Variants in EML4 observed in about 807,000 individuals in gnomAD.
EML4 encodes EMAP like 4.
EML4 carries 72 observed loss-of-function variants against 129.0 expected under a neutral mutation model. That is an observed-to-expected ratio of 0.56 (90% CI 0.46 to 0.68). The LOEUF is 0.68. Ranked by LOEUF, EML4 falls within the 30% of genes least tolerant of loss-of-function variation. EML4 has a pLI of 0.00. For missense variants in EML4, 1,363 were observed against 1,190.6 expected, an observed-to-expected ratio of 1.14 and a Z score of -2.13; for synonymous variants, 532 against 405.0, an observed-to-expected ratio of 1.31 and a Z score of -3.77.
intron 10 of EML4, among the ~76,000 whole-genome samples, chr2:42,287,049 T>C (rs1398460174): frequency 1.3e-5 from 2 of 152,222 alleles, no homozygotes; most frequent in Non-Finnish European, 2.9e-5. Context: ...TTAGGATACA[T>C]ACTTTTTTAG....
At chr2:42,255,177 C>A (rs531296350) in intron 2 of EML4, among the ~76,000 whole-genome samples, 1 of 152,162 alleles carries the variant, frequency 6.6e-6, no homozygotes, top group African/African-American at 2.4e-5. Context: ...GCTCCGCCTC[C>A]CAAGTTCCTG....
Position 42,303,307 on chromosome 2 carries a change from A to C in EML4, c.1768-8A>C, listed in dbSNP as rs1253443095. 1 of 1,614,074 alleles carries C rather than the reference A, an allele frequency of 6.2e-7. No homozygotes were observed. The highest frequency in any genetic ancestry group is 1.1e-5 in the South Asian group (1 of 91,066). On this transcript the variant is annotated splice_region_variant and splice_polypyrimidine_tract_variant and intron_variant, in intron 15 of 22. Transcript: ENST00000318522. ...GTTCTTATAACAATGAGTGTCTTTC[A>C]TTTTCAGGGTCATACAGATGAGCTT...
chr2:42,305,212 G>A (rs1668525268), intron 17 of EML4, among the ~76,000 whole-genome samples: 2 of 152,118 alleles, frequency 1.3e-5, no homozygotes, highest in Admixed American at 6.5e-5. Flanking sequence ...AGGAGTTTGA[G>A]ACCAGCCTGG....
intron 1 of EML4, among the ~76,000 whole-genome samples, chr2:42,224,494 A>G (rs540626481): frequency 1.3e-5 from 2 of 152,262 alleles, no homozygotes; most frequent in East Asian, 1.9e-4. Flanking sequence ...GCTCTTATGA[A>G]CAATGCTGCT....
intron 1 of EML4, among the ~76,000 whole-genome samples, chr2:42,203,023 T>C (rs1672328844): frequency 6.6e-6 from 1 of 152,082 alleles, no homozygotes; most frequent in African/African-American, 2.4e-5. Flanking sequence ...AGTGGGACCC[T>C]AACTCTAATA....
At chr2:42,329,308 A>G (rs1311606870) in intron 22 of EML4, among the ~76,000 whole-genome samples, 1 of 152,198 alleles carries the variant, frequency 6.6e-6, no homozygotes, top group African/African-American at 2.4e-5. Context: ...TCTCCTAAAT[A>G]TTTTAAAATA....
At chr2:42,210,501 A>G (rs1203361242) in intron 1 of EML4, among the ~76,000 whole-genome samples, 1 of 151,972 alleles carries the variant, frequency 6.6e-6, no homozygotes, top group East Asian at 1.9e-4. Context: ...ACTTTTCCCA[A>G]CCCCTTTCTG....
intron 3 of EML4, among the ~76,000 whole-genome samples, chr2:42,257,176 A>G (rs993088514): frequency 7.2e-5 from 11 of 152,054 alleles, no homozygotes; most frequent in Non-Finnish European, 1.6e-4. Context: ...TTACAGCAAT[A>G]TAAGTTTCAG....
intron 6 of EML4, chr2:42,265,015 C>T: frequency 7.0e-7 from 1 of 1,435,564 alleles, no homozygotes; most frequent in South Asian, 1.2e-5. Flanking sequence ...TCTTATTTGG[C>T]TTTTTATTAT....
intron 1 of EML4, among the ~76,000 whole-genome samples, chr2:42,207,644 C>T (rs747185664): frequency 6.6e-6 from 1 of 152,128 alleles, no homozygotes; most frequent in African/African-American, 2.4e-5. Flanking sequence ...CTTTCCTGAA[C>T]GTAAGTGGTC....
chr2:42,186,553 C>T (rs1056307664), intron 1 of EML4, among the ~76,000 whole-genome samples: 1 of 152,210 alleles, frequency 6.6e-6, no homozygotes, highest in African/African-American at 2.4e-5. Flanking sequence ...CCTCACATCA[C>T]TGACATTTTG....
intron 19 of EML4, among the ~76,000 whole-genome samples, chr2:42,321,780 C>G (rs185463911): frequency 6.6e-6 from 1 of 152,268 alleles, no homozygotes; most frequent in East Asian, 1.9e-4. Context: ...ACCACTTTTC[C>G]TCAAACCAGC....
chr2:42,286,147 C>T, intron 9 of EML4, 122 bp from the exon 10 acceptor site: 1 of 717,218 alleles, frequency 1.4e-6, no homozygotes, highest in South Asian at 1.5e-5. Flanking sequence ...ATGTCTAAAT[C>T]TAGTAATTTA....
In EML4 at chr2:42,330,770, C is replaced by G. The variant is rs1054716188; in HGVS notation, c.*563C>G. ...TGGTGTTGCCTTCTTTAAAAAATGC[C>G]GTTTTCTTACACTACCAGTGGATGT... is the stretch of plus-strand genomic sequence containing the variant. On this transcript the variant is annotated 3_prime_UTR_variant, in exon 23 of 23. Transcript: ENST00000318522. The G allele has an allele frequency of 1.8e-5, 4 of 218,270 alleles. No individual in the cohort carries two copies. Among genetic ancestry groups the G allele is most frequent in the African/African-American group, 9.1e-5 (4 of 43,790 alleles). The allele number at this position is 218,270 out of a possible 1,614,324, so 13.5% of individuals were successfully genotyped here.
intron 6 of EML4, 153 bp downstream of exon 6, chr2:42,264,884 T>G (rs1415417064): frequency 1.3e-6 from 2 of 1,547,852 alleles, no homozygotes; most frequent in Non-Finnish European, 8.7e-7. Flanking sequence ...AACCCAGTTT[T>G]TATTGTAAGG....
chr2:42,248,580 A>G (rs375844668), intron 2 of EML4, among the ~76,000 whole-genome samples: 33 of 152,162 alleles, frequency 2.2e-4, no homozygotes, highest in African/African-American at 6.8e-4. Flanking sequence ...GTCTAGGATC[A>G]GTTTGGTTAA....
In EML4 at chr2:42,288,209, TG is replaced by T; in HGVS notation, c.1123-17del. On this transcript the variant is annotated splice_polypyrimidine_tract_variant and intron_variant, in intron 10 of 22. Transcript: ENST00000318522. ...CTATCAGTGAATTTTAAAATGCCTC[TG>T]ATTGACTTTTCTTTAGGATTCAGGT... is the stretch of plus-strand genomic sequence containing the variant. 2 of 1,119,766 alleles carry T rather than the reference TG, an allele frequency of 1.8e-6. No individual in the cohort carries two copies. Among genetic ancestry groups the T allele is most frequent in the Admixed American group, 2.2e-5 (1 of 45,812 alleles). The allele number at this position is 1,119,766 out of a possible 1,614,324, so 69.4% of individuals were successfully genotyped here.
Position 42,263,277 on chromosome 2 carries a change from A to G in EML4, c.612A>G (p.Leu204=). 1 of 1,612,604 alleles carries G rather than the reference A, an allele frequency of 6.2e-7. No homozygotes were observed. Among genetic ancestry groups the G allele is most frequent in the Non-Finnish European group, 8.5e-7 (1 of 1,179,552 alleles). Residue 204 remains leucine, a synonymous_variant, in exon 5 of 23, where the codon TTA becomes TTG. Coordinates refer to ENST00000318522, the MANE Select transcript of EML4 (RefSeq NM_019063.5). The stretch of plus-strand genomic sequence containing the variant: ...CGAAAATACCTTCAACACCCAAATT[A>G]ATACCAAAAGTTACCAAAACTGCAG... ...KLSKIPSTPK[L]IPKVTKTADK...
intron 13 of EML4, among the ~76,000 whole-genome samples, chr2:42,297,100 C>T (rs1668001561): frequency 6.6e-6 from 1 of 152,114 alleles, no homozygotes; most frequent in African/African-American, 2.4e-5. Context: ...TAGCCTCTTT[C>T]GTTCAGTTTA....
Sources: allele counts gnomAD v4.1 joint callset (sites outside exome capture counted in the v4.1 genomes callset), GRCh38; gene constraint gnomAD v4.1.1; transcripts MANE v1.5; gene names NCBI Gene and HGNC (gene_info 2026-07-23, HGNC 2026-07-21).